The following A1CF variants were observed in gnomAD, a reference collection of about 807,000 sequenced individuals.
A1CF encodes APOBEC-1 stimulating protein.
Under a neutral mutation model 68.9 loss-of-function variants are expected in A1CF, and 48 were observed. The observed-to-expected ratio is 0.70, with a 90% CI of 0.55 to 0.89. A1CF has a LOEUF of 0.89. Among genes scored for constraint, A1CF ranks in the 40% least tolerant of loss-of-function variants. A1CF has a pLI of 0.00. For missense variants in A1CF, 653 were observed against 718.9 expected (o/e 0.91, Z 1.05); for synonymous variants, 272 against 260.4 (o/e 1.04, Z -0.43).
chr10:50,818,630 A>G (rs1351993628), intron 8 of A1CF, among the ~76,000 whole-genome samples: 2 of 152,204 alleles, frequency 1.3e-5, no homozygotes, highest in Non-Finnish European at 2.9e-5. Flanking sequence ...TTTCCAAGTA[A>G]TAACACTTTT....
chr10:50,814,818 G>T (rs1414277068), intron 9 of A1CF, among the ~76,000 whole-genome samples: 2 of 151,876 alleles, frequency 1.3e-5, no homozygotes, highest in Admixed American at 6.6e-5. Context: ...TTGACAATTT[G>T]TATTTAATGT....
chr10:50,825,169 CAG>C (rs1436790447), intron 7 of A1CF, among the ~76,000 whole-genome samples: 1 of 152,136 alleles, frequency 6.6e-6, no homozygotes, highest in Non-Finnish European at 1.5e-5. Context: ...GAGTTGGAAA[CAG>C]ACGATGTGAG....
At chr10:50,885,074 A>G (rs879585913) in intron 1 of A1CF, among the ~76,000 whole-genome samples, 9 of 152,212 alleles carry the variant, frequency 5.9e-5, no homozygotes, top group Non-Finnish European at 1.0e-4. Flanking sequence ...GCGGAATCGC[A>G]AGAGTTGTAC....
intron 3 of A1CF, among the ~76,000 whole-genome samples, chr10:50,849,631 GGTCA>G (rs1281980224): frequency 6.6e-6 from 1 of 152,006 alleles, no homozygotes; most frequent in Non-Finnish European, 1.5e-5. Flanking sequence ...ATGGTTTATA[GGTCA>G]GTATTTCTTA....
In A1CF at chr10:50,836,186, G is replaced by A. The variant is rs752052860; in HGVS notation, c.492C>T (p.Val164=). ...SEMKKVTEGV[V]DVIVYPSAAD... ...CAGCGCTTGGGTAGACGATGACATC[G>A]ACAACACCTTCAGTAACCTTTTTCA... Residue 164 remains valine, a synonymous_variant, in exon 6 of 13, where the codon GTC becomes GTT. Transcript: ENST00000373997. 5 of 1,613,932 alleles carry A rather than the reference G, an allele frequency of 3.1e-6. No individual in the cohort carries two copies. In the Admixed American group the frequency reaches 5.0e-5, roughly 16 times the overall value.
At chr10:50,876,682 G>A (rs184744054) in intron 1 of A1CF, among the ~76,000 whole-genome samples, 36 of 152,226 alleles carry the variant, frequency 2.4e-4, no homozygotes, top group African/African-American at 8.2e-4. Flanking sequence ...TGGGTCTCAA[G>A]CCTTTGGACT....
chr10:50,850,938 A>G, intron 3 of A1CF: 1 of 993,666 alleles, frequency 1.0e-6, no homozygotes, highest in Non-Finnish European at 1.4e-6. Context: ...TGCCTTTTTG[A>G]ATTAACTATT....
chr10:50,868,382 A>T (rs1430408939), intron 1 of A1CF, among the ~76,000 whole-genome samples: 5 of 152,164 alleles, frequency 3.3e-5, no homozygotes, highest in African/African-American at 9.6e-5. Flanking sequence ...AATTGATCTT[A>T]AGTCTATTTT....
At chr10:50,873,926 G>A (rs1841387690) in intron 1 of A1CF, among the ~76,000 whole-genome samples, 1 of 151,982 alleles carries the variant, frequency 6.6e-6, no homozygotes, top group South Asian at 2.1e-4. Context: ...AAAAGAACAA[G>A]CAGGTATAAA....
intron 1 of A1CF, among the ~76,000 whole-genome samples, chr10:50,879,599 A>C (rs1841679105): frequency 6.6e-6 from 1 of 152,184 alleles, no homozygotes; most frequent in Admixed American, 6.5e-5. Context: ...ATGTGACAGC[A>C]GGGGAGAGAA....
chr10:50,823,791 G>A (rs747416508), intron 7 of A1CF, among the ~76,000 whole-genome samples: 97 of 152,048 alleles, frequency 6.4e-4, no homozygotes, highest in Non-Finnish European at 1.2e-3. Flanking sequence ...ATTATCTTTT[G>A]TGTCTCTCAG....
intron 3 of A1CF, among the ~76,000 whole-genome samples, chr10:50,845,812 G>A (rs1193778919): frequency 2.0e-5 from 3 of 152,114 alleles, no homozygotes; most frequent in Non-Finnish European, 2.9e-5. Context: ...AAATTAGCTG[G>A]ACATGGTGGC....
intron 4 of A1CF, among the ~76,000 whole-genome samples, chr10:50,842,428 TGG>T (rs1218339831): frequency 1.3e-5 from 2 of 152,200 alleles, no homozygotes; most frequent in African/African-American, 4.8e-5. Context: ...TTGGGCAAGA[TGG>T]TGACACCCTG....
At chr10:50,874,696 T>G (rs1373472709) in intron 1 of A1CF, among the ~76,000 whole-genome samples, 1 of 152,218 alleles carries the variant, frequency 6.6e-6, no homozygotes, top group Admixed American at 6.5e-5. Context: ...GTAAATCCCT[T>G]AACTGTTACT....
At chr10:50,810,303 AC>A (rs2132313793) in intron 11 of A1CF, among the ~76,000 whole-genome samples, 1 of 152,346 alleles carries the variant, frequency 6.6e-6, no homozygotes. Flanking sequence ...CACAAGTGAA[AC>A]AAATTGTTCC....
At chr10:50,848,538 C>T (rs1017707823) in intron 3 of A1CF, among the ~76,000 whole-genome samples, 3 of 152,148 alleles carry the variant, frequency 2.0e-5, no homozygotes, top group Admixed American at 2.0e-4. Flanking sequence ...CCATTCATAA[C>T]CGGAAGGACA....
At chr10:50,838,248 C>T (rs771554274) in intron 5 of A1CF, among the ~76,000 whole-genome samples, 5 of 152,106 alleles carry the variant, frequency 3.3e-5, no homozygotes, top group African/African-American at 1.2e-4. Flanking sequence ...CTGTCTCCTA[C>T]GCTTTGCTGA....
intron 1 of A1CF, among the ~76,000 whole-genome samples, chr10:50,881,014 G>C (rs1188594171): frequency 6.6e-6 from 1 of 151,102 alleles, no homozygotes; most frequent in African/African-American, 2.4e-5. Context: ...TTTTGAGGTG[G>C]AGTCTCACTC....
chr10:50,821,889 C>T (rs1013099550), intron 7 of A1CF, among the ~76,000 whole-genome samples: 6 of 152,032 alleles, frequency 3.9e-5, no homozygotes, highest in African/African-American at 1.5e-4. Context: ...TACAATATTA[C>T]AGCATTTGTG....
Sources: gnomAD v4.1 joint callset for allele counts (sites outside exome capture counted in the v4.1 genomes callset) on GRCh38, gnomAD v4.1.1 for gene constraint, MANE v1.5 for transcripts, NCBI Gene and HGNC (gene_info 2026-07-23, HGNC 2026-07-21) for gene names.